The following RBFOX1 variants were observed in gnomAD, a reference collection of about 807,000 sequenced individuals.
RBFOX1 encodes RNA binding fox-1 homolog 1.
A neutral mutation model predicts 57.7 loss-of-function variants in RBFOX1; 8 were observed. The ratio of observed to expected loss-of-function variants is 0.14; its 90% CI spans 0.08 to 0.25. The LOEUF (loss-of-function observed/expected upper bound fraction) is 0.25. Among genes scored for constraint, RBFOX1 ranks in the 10% least tolerant of loss-of-function variants. RBFOX1 has a pLI of 1.00. For missense variants in RBFOX1, 611 were observed against 548.5 expected (o/e 1.11, Z -1.14); for synonymous variants, 326 against 222.4 (o/e 1.47, Z -4.15).
chr16:7,454,077 A>G (rs1370501686), intron 4 of RBFOX1, among the ~76,000 whole-genome samples: 1 of 152,222 alleles, frequency 6.6e-6, no homozygotes, highest in Non-Finnish European at 1.5e-5. Context: ...TACTAAAAAT[A>G]CAAAAATTAG....
At chr16:7,238,042 G>C (rs963460346) in intron 4 of RBFOX1, among the ~76,000 whole-genome samples, 3 of 152,210 alleles carry the variant, frequency 2.0e-5, no homozygotes, top group African/African-American at 7.2e-5. Flanking sequence ...CTACAACATA[G>C]ATGAACCTTG....
At chr16:5,644,052 C>T (rs1159479301) in intron 3 of RBFOX1, among the ~76,000 whole-genome samples, 1 of 152,104 alleles carries the variant, frequency 6.6e-6, no homozygotes, top group Non-Finnish European at 1.5e-5. Context: ...GAGGACTCTT[C>T]GAAGCTAGTA....
chr16:6,281,720 T>G (rs1321804682), intron 1 of RBFOX1, among the ~76,000 whole-genome samples: 1 of 152,194 alleles, frequency 6.6e-6, no homozygotes, highest in South Asian at 2.1e-4. Flanking sequence ...CAGTTGAATT[T>G]TCAGAGCATT....
At chr16:5,462,124 A>G (rs546289951) in intron 1 of RBFOX1, among the ~76,000 whole-genome samples, 286 of 150,106 alleles carry the variant, frequency 1.9e-3, no homozygotes, top group Middle Eastern at 3.5e-3. Context: ...CCTACATCCC[A>G]TGAGCAAGCA....
rs199690584 is a variant in RBFOX1, at chr16:6,060,122, G to GTTTTTTTTTTTTTTTTTTT, written c.-127+40148_-127+40166dup. Among the ~76,000 whole-genome samples, 160 of 114,148 alleles carry GTTTTTTTTTTTTTTTTTTT rather than the reference G, an allele frequency of 1.4e-3. 11 individuals are homozygous for GTTTTTTTTTTTTTTTTTTT. The highest frequency in any genetic ancestry group is 1.8e-3 in the Non-Finnish European group (107 of 58,100). 74.9% of individuals were successfully genotyped at this position (114,148 alleles called of 152,430 possible). A position where few individuals can be genotyped will look rare whatever the true frequency, so the allele number is the denominator to read the frequency against. Reference sequence around the variant, plus strand: ...ATTTGGCCCTAAAATTAGGATTAGGGTTTTTTTTTTTTTTTTTTTTTTTTT... The same window carrying GTTTTTTTTTTTTTTTTTTT: ...ATTTGGCCCTAAAATTAGGATTAGGGTTTTTTTTTTTTTTTTTTTTTTTTTTTTTTTTTTTTTTTTTTTT... On this transcript the variant is annotated intron_variant, in intron 1 of 15. Transcript: ENST00000550418.
chr16:7,474,705 T>C (rs1567368344), intron 4 of RBFOX1, among the ~76,000 whole-genome samples: 1 of 152,252 alleles, frequency 6.6e-6, no homozygotes, highest in Non-Finnish European at 1.5e-5. Flanking sequence ...GCTTTCCCTT[T>C]CCAGTTCTTA....
intron 3 of RBFOX1, among the ~76,000 whole-genome samples, chr16:5,724,482 C>A (rs965455872): frequency 1.3e-5 from 2 of 152,094 alleles, no homozygotes; most frequent in Admixed American, 6.5e-5. Flanking sequence ...GGACTCGGAG[C>A]CAGACTGCCA....
chr16:6,065,310 C>T (rs1282789039), intron 1 of RBFOX1, among the ~76,000 whole-genome samples: 1 of 151,510 alleles, frequency 6.6e-6, no homozygotes, highest in Non-Finnish European at 1.5e-5. Context: ...GCTGGGATTA[C>T]AGGTGTGAAC....
chr16:5,649,853 G>T (rs890431332), intron 3 of RBFOX1, among the ~76,000 whole-genome samples: 2 of 152,148 alleles, frequency 1.3e-5, no homozygotes, highest in Non-Finnish European at 2.9e-5. Context: ...GATTGCCCTT[G>T]AGCTGAGCTT....
intron 1 of RBFOX1, among the ~76,000 whole-genome samples, chr16:5,314,251 A>G (rs1304926529): frequency 6.6e-6 from 1 of 152,198 alleles, no homozygotes; most frequent in Non-Finnish European, 1.5e-5. Context: ...GAATGCATGT[A>G]TTGCAGACCC....
intron 4 of RBFOX1, among the ~76,000 whole-genome samples, chr16:7,471,587 T>G (rs1171788797): frequency 2.0e-5 from 3 of 152,150 alleles, no homozygotes; most frequent in Non-Finnish European, 2.9e-5. Context: ...ATTCCCTAAT[T>G]TATAATAAAT....
intron 4 of RBFOX1, among the ~76,000 whole-genome samples, chr16:7,250,921 G>T (rs898545728): frequency 6.6e-6 from 1 of 152,124 alleles, no homozygotes; most frequent in African/African-American, 2.4e-5. Flanking sequence ...CATTTATCAT[G>T]TACAACATGA....
chr16:6,860,983 G>A (rs1030926661), intron 3 of RBFOX1, among the ~76,000 whole-genome samples: 1 of 152,166 alleles, frequency 6.6e-6, no homozygotes, highest in East Asian at 1.9e-4. Context: ...ATAGAGCTAT[G>A]TGGGAATGAT....
chr16:6,832,837 A>G (rs967699071), intron 3 of RBFOX1, among the ~76,000 whole-genome samples: 4 of 152,220 alleles, frequency 2.6e-5, no homozygotes, highest in African/African-American at 9.6e-5. Context: ...TTAAATAGTT[A>G]AGAATCCCAA....
At chr16:5,770,417 A>C (rs901353580) in intron 3 of RBFOX1, among the ~76,000 whole-genome samples, 1 of 152,198 alleles carries the variant, frequency 6.6e-6, no homozygotes, top group Non-Finnish European at 1.5e-5. Context: ...TATAGGGTTT[A>C]AAAGGGGAGG....
intron 4 of RBFOX1, among the ~76,000 whole-genome samples, chr16:7,204,529 C>T (rs1488246738): frequency 6.6e-6 from 1 of 151,982 alleles, no homozygotes; most frequent in Non-Finnish European, 1.5e-5. Context: ...ACCTGTAGTC[C>T]CAGTTACGCA....
At chr16:7,373,810 A>G (rs980407407) in intron 4 of RBFOX1, among the ~76,000 whole-genome samples, 4 of 152,188 alleles carry the variant, frequency 2.6e-5, no homozygotes, top group African/African-American at 9.6e-5. Flanking sequence ...TCACAGAGCA[A>G]CTTTTTTCAA....
chr16:5,707,374 T>A (rs2051290367), intron 3 of RBFOX1, among the ~76,000 whole-genome samples: 1 of 152,182 alleles, frequency 6.6e-6, no homozygotes, highest in Non-Finnish European at 1.5e-5. Flanking sequence ...AGGAAAAGGG[T>A]GTGCATTTTC....
intron 4 of RBFOX1, among the ~76,000 whole-genome samples, chr16:5,930,438 A>C (rs1597835340): frequency 4.5e-5 from 2 of 44,334 alleles, no homozygotes; most frequent in Non-Finnish European, 8.1e-5. Context: ...GGATGCATGG[A>C]TGGAAGCATG....
Sources: allele counts gnomAD v4.1 joint callset (sites outside exome capture counted in the v4.1 genomes callset), GRCh38; gene constraint gnomAD v4.1.1; transcripts MANE v1.5; gene names NCBI Gene and HGNC (gene_info 2026-07-23, HGNC 2026-07-21).